Variants in THSD7B observed in about 807,000 individuals in gnomAD.
THSD7B encodes the protein thrombospondin type 1 domain containing 7B.
Under a neutral mutation model 213.6 loss-of-function variants are expected in THSD7B, and 138 were observed. The observed-to-expected ratio is 0.65, with a 90% CI of 0.56 to 0.74. THSD7B has a LOEUF of 0.74. Ranked by LOEUF, THSD7B falls within the 30% of genes least tolerant of loss-of-function variation. THSD7B has a pLI of 0.00. For synonymous variants in THSD7B, 742 were observed against 687.0 expected (o/e 1.08, Z -1.25); for missense variants, 1,931 against 1,991.5 (o/e 0.97, Z 0.58).
intron 1 of THSD7B, among the ~76,000 whole-genome samples, chr2:136,868,118 G>GCA (rs1440029892): frequency 7.3e-6 from 1 of 137,884 alleles, no homozygotes. Flanking sequence ...ACACACGCGC[G>GCA]CGCACACACA....
rs1364298394 is a variant in THSD7B at position 137,033,593 on chromosome 2, T to A, written c.140-22827T>A. On this transcript the variant is annotated intron_variant, in intron 2 of 27. Transcript: ENST00000409968. ...GACTACTTGGAGTTTTTTTCTTAGA[T>A]ATTATTTTTATTATTTTTATTTATT... 2.6e-5 allele frequency among the ~76,000 whole-genome samples: 4 copies of A among 151,746 alleles called. No individual in the cohort carries two copies. The East Asian group carries it at 7.7e-4, about 29-fold the overall frequency.
chr2:137,170,619 G>C, intron 6 of THSD7B, 122 bp from the exon 7 acceptor site: 1 of 854,714 alleles, frequency 1.2e-6, no homozygotes, highest in Non-Finnish European at 1.8e-6. Flanking sequence ...AACACATCAA[G>C]ATAATACGTG....
At chr2:137,170,600 A>G in intron 6 of THSD7B, 141 bp from the exon 7 acceptor site, 1 of 715,622 alleles carries the variant, frequency 1.4e-6, no homozygotes, top group Non-Finnish European at 2.2e-6. Context: ...CTCACTTCAC[A>G]TAGAATAAAA....
intron 20 of THSD7B, among the ~76,000 whole-genome samples, chr2:137,622,798 A>C (rs1020410214): frequency 6.6e-6 from 1 of 152,212 alleles, no homozygotes; most frequent in African/African-American, 2.4e-5. Flanking sequence ...GAATCCCTGA[A>C]TGGACCAATA....
intron 2 of THSD7B, among the ~76,000 whole-genome samples, chr2:136,991,296 G>A (rs1012059197): frequency 6.6e-5 from 10 of 152,138 alleles, no homozygotes; most frequent in African/African-American, 1.7e-4. Flanking sequence ...AACTGCTATT[G>A]TGGAGGGAGG....
At chr2:137,020,845 C>T (rs576774063) in intron 2 of THSD7B, among the ~76,000 whole-genome samples, 2 of 152,264 alleles carry the variant, frequency 1.3e-5, no homozygotes, top group African/African-American at 2.4e-5. Context: ...CCATTTTTCA[C>T]CTGGACATAA....
At chr2:137,093,724 T>C (rs751920382) in intron 3 of THSD7B, among the ~76,000 whole-genome samples, 5 of 152,192 alleles carry the variant, frequency 3.3e-5, no homozygotes, top group Non-Finnish European at 7.4e-5. Flanking sequence ...AATGCTTTTA[T>C]GTTGGGCTGG....
chr2:137,590,992 A>C (rs772072218), intron 17 of THSD7B, among the ~76,000 whole-genome samples: 1 of 150,408 alleles, frequency 6.6e-6, no homozygotes, highest in Non-Finnish European at 1.5e-5. Flanking sequence ...TTTATTTTTT[A>C]TTTTTTCTGA....
chr2:137,532,898 T>G (rs1365780856), intron 15 of THSD7B, among the ~76,000 whole-genome samples: 1 of 151,520 alleles, frequency 6.6e-6, no homozygotes, highest in Non-Finnish European at 1.5e-5. Flanking sequence ...GCTATATGCA[T>G]ATATATGTAT....
chr2:137,287,617 C>A (rs1423647232), intron 12 of THSD7B, among the ~76,000 whole-genome samples: 1 of 152,084 alleles, frequency 6.6e-6, no homozygotes, highest in African/African-American at 2.4e-5. Flanking sequence ...ACAGTATGAA[C>A]TAACTGCAGA....
At chr2:136,906,926 A>C (rs913252019) in intron 2 of THSD7B, among the ~76,000 whole-genome samples, 2 of 120,852 alleles carry the variant, frequency 1.7e-5, no homozygotes, top group African/African-American at 6.2e-5. Flanking sequence ...TAGATTCCTT[A>C]CATTTCAAGG....
At chr2:137,079,590 CT>C (rs1687700433) in intron 3 of THSD7B, among the ~76,000 whole-genome samples, 1 of 152,106 alleles carries the variant, frequency 6.6e-6, no homozygotes, top group South Asian at 2.1e-4. Flanking sequence ...TATTTTTAGC[CT>C]TTTGAAACCA....
intron 16 of THSD7B, among the ~76,000 whole-genome samples, chr2:137,564,137 T>A (rs996100245): frequency 3.3e-5 from 5 of 152,186 alleles, no homozygotes; most frequent in Admixed American, 2.6e-4. Context: ...ACATGCATAG[T>A]GTATTATTTT....
At chr2:136,793,408 G>T (rs993722944) in intron 1 of THSD7B, among the ~76,000 whole-genome samples, 3 of 151,880 alleles carry the variant, frequency 2.0e-5, no homozygotes, top group Non-Finnish European at 4.4e-5. Context: ...CACAACTTTT[G>T]CCCATTCTAA....
intron 6 of THSD7B, among the ~76,000 whole-genome samples, chr2:137,167,075 T>G (rs745715632): frequency 8.5e-5 from 13 of 152,168 alleles, no homozygotes; most frequent in Non-Finnish European, 1.6e-4. Flanking sequence ...CACTCAGAGT[T>G]GTTACCCAAA....
intron 10 of THSD7B, among the ~76,000 whole-genome samples, chr2:137,267,507 A>G (rs1375503102): frequency 6.7e-6 from 1 of 149,754 alleles, no homozygotes; most frequent in Non-Finnish European, 1.5e-5. Flanking sequence ...TCCCCCCCAA[A>G]TCCCCCACCC....
At chr2:137,236,596 A>G (rs889040979) in intron 9 of THSD7B, among the ~76,000 whole-genome samples, 1 of 152,190 alleles carries the variant, frequency 6.6e-6, no homozygotes, top group African/African-American at 2.4e-5. Flanking sequence ...CTGATAAGGT[A>G]CTTTCTGCTT....
At chr2:137,084,334 A>G (rs1440693163) in intron 3 of THSD7B, among the ~76,000 whole-genome samples, 1 of 152,198 alleles carries the variant, frequency 6.6e-6, no homozygotes, top group African/African-American at 2.4e-5. Context: ...AAGTTCAACA[A>G]ATTTTGGGAG....
chr2:137,384,160 C>T (rs1685841553), intron 12 of THSD7B, among the ~76,000 whole-genome samples: 1 of 152,098 alleles, frequency 6.6e-6, no homozygotes, highest in Admixed American at 6.5e-5. Flanking sequence ...GCTTCAAAGA[C>T]TCCAACTACT....
Sources: gnomAD v4.1 joint callset for allele counts (sites outside exome capture counted in the v4.1 genomes callset) on GRCh38, gnomAD v4.1.1 for gene constraint, MANE v1.5 for transcripts, NCBI Gene and HGNC (gene_info 2026-07-23, HGNC 2026-07-21) for gene names.